SLC60A1: variants seen among roughly 807,000 people sequenced by gnomAD.
SLC60A1 encodes solute carrier family 60 member 1.
the SLC60A1 span, among the ~76,000 whole-genome samples, chr1:205,587,540 C>T: frequency 1.3e-5 from 2 of 152,058 alleles, no homozygotes; most frequent in South Asian, 4.2e-4. Context: ...TTGCATTTCT[C>T]TTTGTAAATA....
chr1:205,578,944 C>T, the SLC60A1 span, among the ~76,000 whole-genome samples: 2 of 152,172 alleles, frequency 1.3e-5, no homozygotes, highest in African/African-American at 4.8e-5. Flanking sequence ...GGTTATTGGG[C>T]AGAGTGTCCC....
At chr1:205,581,458 C>T in the SLC60A1 span, among the ~76,000 whole-genome samples, 1 of 152,374 alleles carries the variant, frequency 6.6e-6, no homozygotes, top group East Asian at 1.9e-4. The surrounding 1 kb of genome is among the most constrained non-coding windows in gnomAD (Gnocchi z 4.2). Context: ...CCGCTTTGTA[C>T]ACCCCTGCCA....
the SLC60A1 span, chr1:205,599,150 G>A: frequency 6.2e-7 from 1 of 1,614,166 alleles, no homozygotes; most frequent in Non-Finnish European, 8.5e-7. Context: ...GCTCAGGGCA[G>A]CTATAGTTTC....
the SLC60A1 span, among the ~76,000 whole-genome samples, chr1:205,574,226 C>T: frequency 6.6e-6 from 1 of 151,846 alleles, no homozygotes; most frequent in African/African-American, 2.4e-5. Flanking sequence ...GTGGGAGGAC[C>T]ACTTGAGGGC....
chr1:205,596,788 G>A, the SLC60A1 span, among the ~76,000 whole-genome samples: 1 of 152,116 alleles, frequency 6.6e-6, no homozygotes, highest in Admixed American at 6.6e-5. Context: ...GGCTTGCGCA[G>A]AGAGTTGGGC....
chr1:205,597,973 G>T, the SLC60A1 span: 1 of 1,022,668 alleles, frequency 9.8e-7, no homozygotes, highest in Non-Finnish European at 1.5e-6. Flanking sequence ...AGCAAAGCCA[G>T]CAGGGCCCCC....
At chr1:205,589,124 T>C in the SLC60A1 span, among the ~76,000 whole-genome samples, 6 of 152,190 alleles carry the variant, frequency 3.9e-5, no homozygotes, top group Admixed American at 2.6e-4. Context: ...GAAATGCATG[T>C]GGTTTGTACA....
the SLC60A1 span, chr1:205,569,404 G>A: frequency 2.8e-6 from 2 of 701,954 alleles, no homozygotes; most frequent in African/African-American, 3.5e-5. Flanking sequence ...CCCCGGCCCC[G>A]TGGGGCTGCC....
the SLC60A1 span, among the ~76,000 whole-genome samples, chr1:205,573,168 T>A: frequency 3.5e-4 from 53 of 152,188 alleles, no homozygotes; most frequent in East Asian, 0.01. Context: ...CCCAGCACTT[T>A]GGGAGGCTGA....
At chr1:205,583,667 T>A in the SLC60A1 span, among the ~76,000 whole-genome samples, 1 of 152,082 alleles carries the variant, frequency 6.6e-6, no homozygotes, top group Non-Finnish European at 1.5e-5. Context: ...TCCCAGCACC[T>A]CTCCTGGGCC....
the SLC60A1 span, among the ~76,000 whole-genome samples, chr1:205,590,506 T>A: frequency 6.6e-6 from 1 of 152,314 alleles, no homozygotes; most frequent in Middle Eastern, 3.4e-3. Flanking sequence ...GGGTAAGGCC[T>A]CTGAGCCTCG....
the SLC60A1 span, among the ~76,000 whole-genome samples, chr1:205,585,809 C>T: frequency 6.6e-6 from 1 of 152,152 alleles, no homozygotes; most frequent in Admixed American, 6.5e-5. This position sits in a 1 kb window ranked among gnomAD's most constrained non-coding sequence, Gnocchi z 4.2. Flanking sequence ...CCTAGGTCTC[C>T]ACAGTGCAGT....
At chr1:205,593,193 G>A in the SLC60A1 span, among the ~76,000 whole-genome samples, 3 of 152,024 alleles carry the variant, frequency 2.0e-5, no homozygotes, top group Admixed American at 6.6e-5. Context: ...ATTTCTGGCC[G>A]CGCGGGGTGG....
chr1:205,581,609 AG>A, the SLC60A1 span, among the ~76,000 whole-genome samples: 1 of 151,882 alleles, frequency 6.6e-6, no homozygotes, highest in African/African-American at 2.4e-5. The surrounding 1 kb of genome is among the most constrained non-coding windows in gnomAD (Gnocchi z 4.2). Flanking sequence ...TGGGTTGGGG[AG>A]GACTGTCGGG....
the SLC60A1 span, among the ~76,000 whole-genome samples, chr1:205,592,632 G>T: frequency 6.6e-6 from 1 of 152,040 alleles, no homozygotes; most frequent in Non-Finnish European, 1.5e-5. Flanking sequence ...GCTCCCTGGA[G>T]AAATGAACAC....
At chr1:205,570,676 G>A in the SLC60A1 span, among the ~76,000 whole-genome samples, 212 of 152,240 alleles carry the variant, frequency 1.4e-3, 1 homozygote, top group Admixed American at 0.013. Flanking sequence ...GTGTTTTGTG[G>A]GTGTGGTACA....
chr1:205,592,126 C>G, the SLC60A1 span: 1 of 1,613,738 alleles, frequency 6.2e-7, no homozygotes, highest in South Asian at 1.1e-5. Context: ...CCGCCTCCAC[C>G]TCTGCCGCGA....
the SLC60A1 span, among the ~76,000 whole-genome samples, chr1:205,573,231 T>A: frequency 6.8e-6 from 1 of 146,456 alleles, no homozygotes; most frequent in African/African-American, 2.5e-5. Flanking sequence ...GCCAACATGG[T>A]GAAACCCCAT....
the SLC60A1 span, chr1:205,602,498 G>T: frequency 6.6e-6 from 1 of 152,622 alleles, no homozygotes; most frequent in African/African-American, 2.4e-5. Flanking sequence ...ATAAAGCAAA[G>T]CACTCACAAT....
Sources: gnomAD v4.1 joint callset for allele counts (sites outside exome capture counted in the v4.1 genomes callset) on GRCh38, gnomAD v4.1.1 for gene constraint, Gnocchi (gnomAD v3.1) non-coding constraint, MANE v1.5 for transcripts, NCBI Gene and HGNC (gene_info 2026-07-23, HGNC 2026-07-21) for gene names.